Variants in JMJD1C observed in about 807,000 individuals in gnomAD.
The protein encoded by JMJD1C is jumonji domain containing 1C, also known as jumonji domain-containing protein 1C.
JMJD1C carries 31 observed loss-of-function variants against 245.3 expected under a neutral mutation model. The ratio of observed to expected loss-of-function variants is 0.13; its 90% confidence interval spans 0.09 to 0.17. JMJD1C has a LOEUF of 0.17. Ranked by LOEUF, JMJD1C falls within the 10% of genes least tolerant of loss-of-function variation. The probability of loss-of-function intolerance (pLI) is 1.00; values close to 1 mark genes in which losing one functional copy is unlikely to be tolerated. For synonymous variants in JMJD1C, 1,057 were observed against 1,017.4 expected (o/e 1.04, Z -0.74); for missense variants, 2,691 against 3,000.2 (o/e 0.90, Z 2.41).
chr10:63,296,013 A>ATATATATATTT (rs71025149), intron 2 of JMJD1C, among the ~76,000 whole-genome samples: 2 of 84,284 alleles, frequency 2.4e-5, no homozygotes, highest in African/African-American at 8.3e-5. Flanking sequence ...GTATATATAT[A>ATATATATATTT]TTTTTTTTTT....
chr10:63,344,752 T>TA (rs1010643716), intron 2 of JMJD1C, among the ~76,000 whole-genome samples: 1 of 149,248 alleles, frequency 6.7e-6, no homozygotes, highest in Non-Finnish European at 1.5e-5. Flanking sequence ...AAATAGACGG[T>TA]AAAAAAGTTC....
chr10:63,518,927 G>T (rs1032272353), intron 1 of JMJD1C, among the ~76,000 whole-genome samples: 5 of 152,220 alleles, frequency 3.3e-5, no homozygotes, highest in Non-Finnish European at 7.3e-5. Context: ...GCATGAATTA[G>T]ATCTCCAGTT....
At chr10:63,385,656 G>A (rs1947538418) in intron 1 of JMJD1C, among the ~76,000 whole-genome samples, 1 of 151,452 alleles carries the variant, frequency 6.6e-6, no homozygotes, top group Admixed American at 6.6e-5. Flanking sequence ...ATATTGTTCA[G>A]GCTGGTCTCA....
At chr10:63,182,950 C>T (rs1221637277) in intron 22 of JMJD1C, among the ~76,000 whole-genome samples, 4 of 152,164 alleles carry the variant, frequency 2.6e-5, no homozygotes, top group East Asian at 1.9e-4. Context: ...CAACCTCCGC[C>T]TCCTGGGTTC....
intron 2 of JMJD1C, among the ~76,000 whole-genome samples, chr10:63,365,852 T>TG (rs2134394399): frequency 6.6e-6 from 1 of 152,340 alleles, no homozygotes; most frequent in Admixed American, 6.5e-5. Context: ...GAAAGAGGTC[T>TG]GGCTTCTGCC....
At chr10:63,451,821 C>T (rs9665517) in intron 1 of JMJD1C, among the ~76,000 whole-genome samples, 21,843 of 151,916 alleles carry the variant, frequency 0.14, 3,612 homozygotes, top group African/African-American at 0.41. Flanking sequence ...AAAAAGGTGC[C>T]AAAACTATTC....
Position 63,189,516 on chromosome 10 carries a change from A to C in JMJD1C, c.6292-70T>G, listed in dbSNP as rs1050551347. 17 of 1,355,724 alleles carry C rather than the reference A, an allele frequency of 1.3e-5. No homozygotes were observed. In the African/African-American group the frequency reaches 2.0e-4, roughly 16 times the overall value. 84.0% of individuals were successfully genotyped at this position (1,355,724 alleles called of 1,614,324 possible). On this transcript the variant is annotated intron_variant, in intron 17 of 25. Coordinates refer to ENST00000399262, the MANE Select transcript of JMJD1C (RefSeq NM_032776.3). ...AATCAAATACATTTTCCTCCCACAG[A>C]CTTATTTTTTTTTAAACAATATCCC...
intron 2 of JMJD1C, among the ~76,000 whole-genome samples, chr10:63,377,856 C>T (rs1221970146): frequency 6.6e-6 from 1 of 151,348 alleles, no homozygotes; most frequent in Admixed American, 6.6e-5. Flanking sequence ...TGTGATCACA[C>T]CACTGCACTC....
chr10:63,503,703 T>C (rs1291785121), intron 1 of JMJD1C, among the ~76,000 whole-genome samples: 6 of 152,242 alleles, frequency 3.9e-5, no homozygotes, highest in African/African-American at 9.6e-5. Flanking sequence ...CATTATTCTT[T>C]GCTGTGAATC....
At chr10:63,284,706 C>T (rs948425596) in intron 2 of JMJD1C, among the ~76,000 whole-genome samples, 6 of 152,072 alleles carry the variant, frequency 3.9e-5, no homozygotes, top group Non-Finnish European at 7.4e-5. Context: ...GTAAGCTATA[C>T]ATACATTTAA....
intron 1 of JMJD1C, among the ~76,000 whole-genome samples, chr10:63,487,018 G>C (rs139289237): frequency 2.6e-5 from 4 of 152,316 alleles, no homozygotes; most frequent in Admixed American, 6.5e-5. Context: ...ATTTAGGTAA[G>C]TTCATGGTTG....
intron 1 of JMJD1C, among the ~76,000 whole-genome samples, chr10:63,473,233 T>C (rs534729412): frequency 1.3e-5 from 2 of 151,284 alleles, no homozygotes; most frequent in African/African-American, 2.5e-5. Flanking sequence ...GTAGAAGTAA[T>C]ACACATTTGG....
intron 10 of JMJD1C, chr10:63,202,987 T>C: frequency 2.0e-6 from 2 of 984,970 alleles, no homozygotes; most frequent in Non-Finnish European, 2.4e-6. Context: ...TGGATCACCA[T>C]ACCACTGTGA....
intron 1 of JMJD1C, among the ~76,000 whole-genome samples, chr10:63,411,869 C>T (rs971732340): frequency 5.9e-5 from 9 of 151,266 alleles, no homozygotes; most frequent in Non-Finnish European, 1.0e-4. Context: ...TCCCAAAGTG[C>T]TGGGATTACA....
In JMJD1C at chr10:63,326,381, AAAATAAATAAATAAATAAATAAAT is replaced by A. The variant is rs10630310; in HGVS notation, c.333+53913_333+53936del. 3.4e-3 allele frequency among the ~76,000 whole-genome samples: 488 copies of A among 143,312 alleles called. 3 individuals carry two copies. Among genetic ancestry groups the A allele is most frequent in the African/African-American group, 0.012 (463 of 38,540 alleles). The allele number at this position is 143,312 out of a possible 152,430, so 94.0% of individuals were successfully genotyped here. On this transcript the variant is annotated intron_variant, in intron 2 of 25. Transcript: ENST00000399262. Reference sequence around the variant, plus strand: ...GGAGACAGAGCGCAATTCCATCTCAAAAATAAATAAATAAATAAATAAATAAATAAATAAATAAATAAATAAAGA... The same window carrying A: ...GGAGACAGAGCGCAATTCCATCTCAAAAATAAATAAATAAATAAATAAAGA...
At chr10:63,500,559 C>T (rs140733583) in intron 1 of JMJD1C, among the ~76,000 whole-genome samples, 232 of 152,230 alleles carry the variant, frequency 1.5e-3, no homozygotes, top group African/African-American at 5.2e-3. Flanking sequence ...CATGGCAAAA[C>T]CCTGTCTCTA....
Position 63,214,486 on chromosome 10 carries a change from A to G in JMJD1C, c.1681T>C (p.Ser561Pro). The G allele has an allele frequency of 6.2e-7, 1 of 1,614,028 alleles. No homozygotes were observed. The highest frequency in any genetic ancestry group is 8.5e-7 in the Non-Finnish European group (1 of 1,180,008). The change falls in exon 8 of 26, where the codon TCT (serine) becomes CCT (proline). Residue 561 changes from serine (S) to proline (P), a missense_variant. Ser to Pro is a moderately conservative substitution (Grantham distance 74, BLOSUM62 -1). This residue lies in a region of JMJD1C where 1,562 missense variants were observed against 1,490.7 expected (regional missense o/e 1.05). Transcript: ENST00000399262. Reference protein sequence around the residue: ...AKFLETAKKDSDQSWVSDVVK... With the variant: ...AKFLETAKKDPDQSWVSDVVK... ...ACATCACTGACCCAGCTCTGGTCAGAATCTTTTTTTGCTGTTTCCAAGAAT... is the reference window on the plus strand; with the variant it reads ...ACATCACTGACCCAGCTCTGGTCAGGATCTTTTTTTGCTGTTTCCAAGAAT...
chr10:63,167,827 T>C lies in JMJD1C; in HGVS notation c.*218A>G, dbSNP rs1349857047. On this transcript the variant is annotated 3_prime_UTR_variant, in exon 26 of 26. Coordinates refer to ENST00000399262, the MANE Select transcript of JMJD1C (RefSeq NM_032776.3). The stretch of plus-strand genomic sequence containing the variant: ...TACACTATAATACAAAACAGCTATA[T>C]AGTGCTGCTTTTAAAATTCTGCTTG... 1.4e-5 allele frequency: 7 copies of C among 486,644 alleles called. No individual in the cohort carries two copies. The highest frequency in any genetic ancestry group is 3.6e-5 in the South Asian group (1 of 27,934). 30.1% of individuals were successfully genotyped at this position (486,644 alleles called of 1,614,324 possible).
chr10:63,367,498 G>A (rs10822164), intron 2 of JMJD1C, among the ~76,000 whole-genome samples: 64,683 of 151,766 alleles, frequency 0.43, 14,415 homozygotes, highest in South Asian at 0.53. Flanking sequence ...TGCCAGCCTC[G>A]GCCTCCCAAA....
Sources: allele counts gnomAD v4.1 joint callset (sites outside exome capture counted in the v4.1 genomes callset), GRCh38; gene constraint gnomAD v4.1.1; regional missense constraint gnomAD v4.1.1; transcripts MANE v1.5; gene names NCBI Gene and HGNC (gene_info 2026-07-23, HGNC 2026-07-21).